The following DPRX variants were observed in gnomAD, a reference collection of about 807,000 sequenced individuals.
The protein encoded by DPRX is divergent-paired related homeobox, also known as divergent paired-related homeobox.
DPRX carries 11 observed loss-of-function variants against 8.4 expected under a neutral mutation model. That is an observed-to-expected ratio of 1.31 (90% confidence interval 0.82 to 2.17). The LOEUF is 2.17. DPRX is among the 30% of genes most tolerant of loss of function. DPRX has a pLI of 0.00. For synonymous variants in DPRX, 72 were observed against 87.0 expected (o/e 0.83, Z 0.96); for missense variants, 211 against 236.7 (o/e 0.89, Z 0.71).
the DPRX span, among the ~76,000 whole-genome samples, chr19:53,618,881 C>T: frequency 6.6e-6 from 1 of 152,050 alleles, no homozygotes; most frequent in South Asian, 2.1e-4. Context: ...AGGGTTTTGC[C>T]ATGTTTGTCA....
the DPRX span, among the ~76,000 whole-genome samples, chr19:53,607,601 C>T: frequency 2.6e-5 from 4 of 151,232 alleles, no homozygotes; most frequent in Admixed American, 6.6e-5. Flanking sequence ...CCTGTAATCC[C>T]AGCACTTTGA....
the DPRX span, among the ~76,000 whole-genome samples, chr19:53,616,099 A>G: frequency 1.9e-3 from 291 of 152,026 alleles, no homozygotes; most frequent in African/African-American, 6.2e-3. Context: ...CTAAAAGTAC[A>G]AAATTAGCTG....
chr19:53,636,505 C>A, intron 2 of DPRX, 91 bp from the exon 3 acceptor site: 1 of 1,066,492 alleles, frequency 9.4e-7, no homozygotes, highest in Non-Finnish European at 1.2e-6. Flanking sequence ...ATACGTTTAA[C>A]AAAATAAAAA....
upstream of DPRX, among the ~76,000 whole-genome samples, chr19:53,629,132 G>A (rs1438772983): frequency 6.6e-6 from 1 of 151,326 alleles, no homozygotes; most frequent in East Asian, 2.0e-4. Context: ...TGGCCAACAT[G>A]GTGAAACCAG....
chr19:53,611,875 G>C, the DPRX span, among the ~76,000 whole-genome samples: 1 of 151,954 alleles, frequency 6.6e-6, no homozygotes. Context: ...CCTGAGGTCA[G>C]GAGTTTGAGA....
At chr19:53,602,413 G>T in the DPRX span, among the ~76,000 whole-genome samples, 1 of 151,012 alleles carries the variant, frequency 6.6e-6, no homozygotes, top group Non-Finnish European at 1.5e-5. Flanking sequence ...AGGATGGAGT[G>T]CAGTGGCACA....
At chr19:53,627,102 A>G (rs1405933678), upstream of DPRX, among the ~76,000 whole-genome samples, 4 of 152,276 alleles carry the variant, frequency 2.6e-5, no homozygotes, top group Middle Eastern at 3.4e-3. Flanking sequence ...TTTGCGCAGT[A>G]GAAGGATTAT....
At chr19:53,612,665 C>T in the DPRX span, among the ~76,000 whole-genome samples, 1 of 151,958 alleles carries the variant, frequency 6.6e-6, no homozygotes, top group Non-Finnish European at 1.5e-5. Context: ...TGAGATTGTG[C>T]CACGGCATTC....
At chr19:53,609,858 A>T in the DPRX span, among the ~76,000 whole-genome samples, 1 of 152,064 alleles carries the variant, frequency 6.6e-6, no homozygotes, top group East Asian at 1.9e-4. Flanking sequence ...GGTGGCACAC[A>T]CCTATAGTCC....
chr19:53,610,266 G>A, the DPRX span, among the ~76,000 whole-genome samples: 1 of 151,722 alleles, frequency 6.6e-6, no homozygotes, highest in East Asian at 1.9e-4. Flanking sequence ...GTTGCAGTGA[G>A]CAGAGATCAC....
At chr19:53,629,928 T>A (rs886303828), upstream of DPRX, 3 of 151,760 alleles carry the variant, frequency 2.0e-5, no homozygotes, top group Non-Finnish European at 2.9e-5. Context: ...TCATGCTGGC[T>A]GGGCACAGTG....
At chr19:53,630,112 C>G (rs2091086699), upstream of DPRX, 1 of 151,650 alleles carries the variant, frequency 6.6e-6, no homozygotes, top group Non-Finnish European at 1.5e-5. Flanking sequence ...ATTTGGGAGG[C>G]TGAGGCAGGA....
At chr19:53,606,783 C>G in the DPRX span, 1 of 152,152 alleles carries the variant, frequency 6.6e-6, no homozygotes, top group Admixed American at 6.6e-5. This position sits in a 1 kb window ranked among gnomAD's most constrained non-coding sequence, Gnocchi z 4.8. Context: ...TCCTGCAGGA[C>G]AGGTATACGC....
At chr19:53,626,959 C>T in the DPRX span, among the ~76,000 whole-genome samples, 1 of 152,124 alleles carries the variant, frequency 6.6e-6, no homozygotes, top group Non-Finnish European at 1.5e-5. Context: ...GCCTCGACCT[C>T]CCAAAGTGCT....
At chr19:53,636,057 C>T (rs997128874) in intron 2 of DPRX, among the ~76,000 whole-genome samples, 3 of 152,146 alleles carry the variant, frequency 2.0e-5, no homozygotes, top group African/African-American at 7.2e-5. Flanking sequence ...CCTAGAAGTA[C>T]TCATATTATC....
At chr19:53,609,793 T>A in the DPRX span, among the ~76,000 whole-genome samples, 1 of 151,620 alleles carries the variant, frequency 6.6e-6, no homozygotes, top group Non-Finnish European at 1.5e-5. Flanking sequence ...GGGACCAGCC[T>A]GGCCAACATG....
the DPRX span, among the ~76,000 whole-genome samples, chr19:53,617,949 C>T: frequency 2.0e-5 from 3 of 151,850 alleles, no homozygotes; most frequent in South Asian, 2.1e-4. Flanking sequence ...ACCAGCCTGG[C>T]CACCATGTTG....
At chr19:53,614,107 C>T in the DPRX span, among the ~76,000 whole-genome samples, 2 of 151,984 alleles carry the variant, frequency 1.3e-5, no homozygotes, top group African/African-American at 4.8e-5. Context: ...CACACCACCA[C>T]GCCCTGCTAA....
intron 2 of DPRX, among the ~76,000 whole-genome samples, chr19:53,635,122 A>C (rs1334984825): frequency 6.6e-6 from 1 of 152,056 alleles, no homozygotes; most frequent in Non-Finnish European, 1.5e-5. Context: ...ACAGGTCTAC[A>C]GGTGCACACT....
Sources: allele counts gnomAD v4.1 joint callset (sites outside exome capture counted in the v4.1 genomes callset), GRCh38; gene constraint gnomAD v4.1.1; non-coding constraint Gnocchi (gnomAD v3.1); transcripts MANE v1.5; gene names NCBI Gene and HGNC (gene_info 2026-07-23, HGNC 2026-07-21).